LCLAT1: variants seen among roughly 807,000 people sequenced by gnomAD.
The protein encoded by LCLAT1 is 1-AGP acyltransferase 8.
A neutral mutation model predicts 30.7 loss-of-function variants in LCLAT1; 11 were observed. That is an observed-to-expected ratio of 0.36 (90% confidence interval 0.23 to 0.59). The LOEUF is 0.59. LCLAT1 is among the 20% of genes least tolerant of loss of function. The pLI is 0.77. For missense variants in LCLAT1, 402 were observed against 458.6 expected (o/e 0.88, Z 1.13); for synonymous variants, 155 against 151.3 (o/e 1.02, Z -0.18).
At chr2:30,625,178 A>G (rs897288941) in intron 5 of LCLAT1, among the ~76,000 whole-genome samples, 2 of 152,230 alleles carry the variant, frequency 1.3e-5, no homozygotes, top group African/African-American at 4.8e-5. Flanking sequence ...GTCACACCTC[A>G]AAGAACTAGA....
chr2:30,533,146 G>GTTT lies in LCLAT1; in HGVS notation c.197_198insTTT (p.Val66_Ile67insLeu), dbSNP rs761897110. ...ATTGGAGACCATGTTTGGTGTAAAA[G>GTTT]TGATTATAACTGGGGATGCATTTGT... On this transcript the variant is annotated inframe_insertion, in exon 3 of 6. Coordinates refer to ENST00000379509, the MANE Select transcript of LCLAT1 (RefSeq NM_001002257.3). 1.4e-5 allele frequency: 23 copies of GTTT among 1,613,840 alleles called. No individual in the cohort carries two copies. Among genetic ancestry groups the GTTT allele is most frequent in the Non-Finnish European group, 1.9e-5 (22 of 1,179,834 alleles).
chr2:30,540,785 C>T (rs1485870920), intron 3 of LCLAT1, among the ~76,000 whole-genome samples: 1 of 152,014 alleles, frequency 6.6e-6, no homozygotes, highest in Non-Finnish European at 1.5e-5. Context: ...CTGCCTCAGC[C>T]TCCCAAGTAG....
chr2:30,598,414 C>CT (rs58514140), intron 5 of LCLAT1, among the ~76,000 whole-genome samples: 22,220 of 135,880 alleles, frequency 0.16, 1,808 homozygotes, highest in South Asian at 0.24. Context: ...TCTAGATTTT[C>CT]TTTTTTTTTT....
At chr2:30,487,800 G>A (rs536114173) in intron 1 of LCLAT1, among the ~76,000 whole-genome samples, 4 of 152,270 alleles carry the variant, frequency 2.6e-5, no homozygotes, top group African/African-American at 9.6e-5. Flanking sequence ...GAGTTGAAGT[G>A]TGTTACCTGA....
chr2:30,532,792 T>C (rs1414538287), intron 2 of LCLAT1, among the ~76,000 whole-genome samples: 1 of 152,160 alleles, frequency 6.6e-6, no homozygotes, highest in East Asian at 1.9e-4. Context: ...GTAATAATGT[T>C]ACATATCTAT....
Position 30,574,163 on chromosome 2 carries a change from A to AATT in LCLAT1, c.628+5989_628+5990insTAT, listed in dbSNP as rs760361817. Among the ~76,000 whole-genome samples, 5 of 152,142 alleles carry AATT rather than the reference A, an allele frequency of 3.3e-5. No individual in the cohort carries two copies. The South Asian group carries it at 1.0e-3, about 32-fold the overall frequency. On this transcript the variant is annotated intron_variant, in intron 5 of 5. Transcript: ENST00000379509. ...GTCTCAAAAAAATAATAATAATAAT[A>AATT]ATAGCAGCACCAAAAGTAAGAGAAG...
rs566029975 is a variant in LCLAT1, at chr2:30,494,603, T to C, written c.-4-30984T>C. 1.8e-3 allele frequency among the ~76,000 whole-genome samples: 267 copies of C among 151,846 alleles called. 1 individual carries two copies. Among genetic ancestry groups the C allele is most frequent in the African/African-American group, 6.0e-3 (250 of 41,436 alleles). ...ACGTGCATACATGTATGCATGCACG[T>C]ATGTGTGTATGCATACATGTATGTA... On this transcript the variant is annotated intron_variant, in intron 1 of 5. Coordinates refer to ENST00000379509, the MANE Select transcript of LCLAT1 (RefSeq NM_001002257.3).
At chr2:30,524,148 G>T (rs991088810) in intron 1 of LCLAT1, among the ~76,000 whole-genome samples, 1 of 151,852 alleles carries the variant, frequency 6.6e-6, no homozygotes. Context: ...ACATAGTTTA[G>T]GTTGTAAAAT....
chr2:30,500,712 A>G (rs1221850110), intron 1 of LCLAT1, among the ~76,000 whole-genome samples: 1 of 152,190 alleles, frequency 6.6e-6, no homozygotes, highest in African/African-American at 2.4e-5. Context: ...CGATTTAAAT[A>G]TTTTCATCAT....
At chr2:30,569,104 G>A (rs1297727258) in intron 5 of LCLAT1, among the ~76,000 whole-genome samples, 1 of 152,062 alleles carries the variant, frequency 6.6e-6, no homozygotes, top group Non-Finnish European at 1.5e-5. Context: ...CATCCAGTGC[G>A]GTAAGTACAT....
intron 1 of LCLAT1, among the ~76,000 whole-genome samples, chr2:30,509,250 G>A (rs1044803950): frequency 5.9e-5 from 9 of 152,124 alleles, no homozygotes; most frequent in Non-Finnish European, 1.2e-4. Flanking sequence ...CTATTTGGAT[G>A]CTCTTTATTT....
intron 1 of LCLAT1, among the ~76,000 whole-genome samples, chr2:30,483,363 A>T (rs1158207701): frequency 5.3e-5 from 8 of 152,194 alleles, no homozygotes; most frequent in Admixed American, 3.9e-4. Flanking sequence ...ACTCCAAAGT[A>T]AAAAAGTTTA....
intron 1 of LCLAT1, chr2:30,459,690 G>A (rs369331878): frequency 1.2e-5 from 19 of 1,613,838 alleles, no homozygotes; most frequent in Non-Finnish European, 1.4e-5. Flanking sequence ...GCTACTGCAC[G>A]TACTTCATAA....
intron 1 of LCLAT1, among the ~76,000 whole-genome samples, chr2:30,488,510 C>T (rs537445659): frequency 6.6e-6 from 1 of 152,320 alleles, no homozygotes; most frequent in African/African-American, 2.4e-5. Context: ...TCTTTACTTT[C>T]TCTTTTCTTT....
chr2:30,591,275 C>A lies in LCLAT1; in HGVS notation c.628+23099C>A, dbSNP rs1049693976. Among the ~76,000 whole-genome samples, 3 of 152,108 alleles carry A rather than the reference C, an allele frequency of 2.0e-5. 1 individual carries two copies. Among genetic ancestry groups the A allele is most frequent in the Admixed American group, 1.3e-4 (2 of 15,284 alleles). On this transcript the variant is annotated intron_variant, in intron 5 of 5. Coordinates refer to ENST00000379509, the MANE Select transcript of LCLAT1 (RefSeq NM_001002257.3). ...CCATCACATCTGTAAAATGAAAATA[C>A]CTGCTTCGGGATTACTGTCAGGAAC...
At chr2:30,516,137 T>A (rs149116647) in intron 1 of LCLAT1, among the ~76,000 whole-genome samples, 43 of 152,330 alleles carry the variant, frequency 2.8e-4, no homozygotes, top group Middle Eastern at 3.4e-3. Context: ...AATAGTCATC[T>A]ATCGCCTGAG....
At chr2:30,599,473 T>C (rs963681821) in intron 5 of LCLAT1, among the ~76,000 whole-genome samples, 3 of 152,244 alleles carry the variant, frequency 2.0e-5, no homozygotes, top group Admixed American at 6.5e-5. Context: ...GTTCTGTAGA[T>C]ATCTATCAGA....
intron 5 of LCLAT1, among the ~76,000 whole-genome samples, chr2:30,614,895 G>T (rs1231091954): frequency 6.6e-6 from 1 of 152,128 alleles, no homozygotes; most frequent in East Asian, 1.9e-4. Flanking sequence ...GTGAAGTTGG[G>T]GAAAAGCCAA....
chr2:30,564,310 G>C (rs528697967), intron 4 of LCLAT1, among the ~76,000 whole-genome samples: 43 of 152,184 alleles, frequency 2.8e-4, no homozygotes, highest in South Asian at 2.3e-3. Flanking sequence ...TGCCAACTTT[G>C]AAAGTTATTT....
Sources: allele counts gnomAD v4.1 joint callset (sites outside exome capture counted in the v4.1 genomes callset), GRCh38; gene constraint gnomAD v4.1.1; transcripts MANE v1.5; gene names NCBI Gene and HGNC (gene_info 2026-07-23, HGNC 2026-07-21).